RAB27A: variants seen among roughly 807,000 people sequenced by gnomAD.
The protein encoded by RAB27A is ras-related protein Rab-27A.
RAB27A carries 17 observed loss-of-function variants against 20.8 expected under a neutral mutation model. The ratio of observed to expected loss-of-function variants is 0.82; its 90% CI spans 0.56 to 1.23. The LOEUF is 1.23. Ranked by LOEUF, RAB27A falls within the 50% of genes most tolerant of loss-of-function variation. The pLI, the probability that RAB27A is intolerant of heterozygous loss-of-function variation, is 0.00. For missense variants in RAB27A, 277 were observed against 266.7 expected, an observed-to-expected ratio of 1.04 and a Z score of -0.27; for synonymous variants, 85 against 92.8, an observed-to-expected ratio of 0.92 and a Z score of 0.48.
chr15:55,306,151 T>C (rs575096537), intron 2 of RAB27A, among the ~76,000 whole-genome samples: 1 of 152,306 alleles, frequency 6.6e-6, no homozygotes, highest in East Asian at 1.9e-4. Context: ...GAGTTGGTTG[T>C]GTCTATCGTA....
chr15:55,223,684 C>T (rs1042963331), intron 6 of RAB27A, among the ~76,000 whole-genome samples: 1 of 152,088 alleles, frequency 6.6e-6, no homozygotes, highest in Non-Finnish European at 1.5e-5. Flanking sequence ...GAAAATGGGA[C>T]CAAAGCACTG....
intron 2 of RAB27A, among the ~76,000 whole-genome samples, chr15:55,268,008 A>T (rs1450900053): frequency 6.6e-6 from 1 of 152,184 alleles, no homozygotes; most frequent in Admixed American, 6.5e-5. Flanking sequence ...TGACTTAACT[A>T]TTTCAACAAG....
Position 55,223,944 on chromosome 15 carries a change from C to A in RAB27A, c.412G>T (p.Glu138Ter). ...TCCTCTTTCACTACTCTCTGGTCCTCCAGATCACTCTTGTTTCCACACAGC... is the reference window on the plus strand; with the variant it reads ...TCCTCTTTCACTACTCTCTGGTCCTACAGATCACTCTTGTTTCCACACAGC... ...IVLCGNKSDL[E>*]DQRVVKEEEA... is the part of the protein sequence containing the mutation. The change falls in exon 6 of 7, where the codon GAG becomes TAG. Residue 138 changes from glutamate (E) to a stop codon, truncating the protein, a stop_gained. Coordinates refer to ENST00000336787, the MANE Select transcript of RAB27A (RefSeq NM_183235.3). LOFTEE classifies it high-confidence loss of function. 6.2e-7 allele frequency: 1 copy of A among 1,613,586 alleles called. No individual in the cohort carries two copies.
chr15:55,274,818 A>ATG (rs1384417105), intron 1 of RAB27A, among the ~76,000 whole-genome samples: 1 of 138,056 alleles, frequency 7.2e-6, no homozygotes, highest in African/African-American at 2.6e-5. Flanking sequence ...ATATATATAT[A>ATG]TATATATGTA....
At position 55,252,887 on chromosome 15, in the gene RAB27A, C is replaced by G. The variant is rs538814996; in HGVS notation, c.-23+17278G>C. 8.5e-5 allele frequency among the ~76,000 whole-genome samples: 13 copies of G among 152,286 alleles called. No individual in the cohort carries two copies. The South Asian group carries it at 2.7e-3, about 32-fold the overall frequency. On this transcript the variant is annotated intron_variant, in intron 2 of 6. Transcript: ENST00000336787. ...CGGTGGCTCACACCTGTAATCCCAGCACTTTGGGAGGCCAAGGCGGGTGGA... is the reference window on the plus strand; with the variant it reads ...CGGTGGCTCACACCTGTAATCCCAGGACTTTGGGAGGCCAAGGCGGGTGGA...
chr15:55,303,455 G>A (rs1484300383), intron 2 of RAB27A, among the ~76,000 whole-genome samples: 1 of 53,456 alleles, frequency 1.9e-5, no homozygotes, highest in Non-Finnish European at 3.0e-5. Context: ...CCCTCCGCCC[G>A]GCCAGCCGCC....
At chr15:55,315,006 C>T (rs530087836) in intron 1 of RAB27A, among the ~76,000 whole-genome samples, 3 of 152,300 alleles carry the variant, frequency 2.0e-5, no homozygotes, top group South Asian at 2.1e-4. Flanking sequence ...TACCTGACTT[C>T]AAACTATACA....
chr15:55,301,111 T>C (rs1237277768), intron 2 of RAB27A, among the ~76,000 whole-genome samples: 2 of 151,928 alleles, frequency 1.3e-5, no homozygotes, highest in Non-Finnish European at 2.9e-5. Context: ...TGGGAGTTCA[T>C]GGAGGTTAAA....
At chr15:55,290,431 T>A (rs1408754944), upstream of RAB27A, 1 of 152,144 alleles carries the variant, frequency 6.6e-6, no homozygotes, top group African/African-American at 2.4e-5. Context: ...AAGTAAAAAA[T>A]TTCGCAGGAA....
chr15:55,211,426 C>T (rs1230195660), intron 6 of RAB27A, among the ~76,000 whole-genome samples: 2 of 152,070 alleles, frequency 1.3e-5, no homozygotes, highest in African/African-American at 4.8e-5. Flanking sequence ...TCTTCAATTT[C>T]TCTCACCTGT....
chr15:55,283,443 G>A (rs771201760), intron 1 of RAB27A, among the ~76,000 whole-genome samples: 8 of 152,134 alleles, frequency 5.3e-5, no homozygotes, highest in Non-Finnish European at 1.2e-4. Context: ...GCCGCCACCT[G>A]AGGAAATACC....
chr15:55,308,742 A>G lies in RAB27A; in HGVS notation c.-112+5297T>C, dbSNP rs61671706. ...GGCCCTTCAAGTAATAGAGCCTGAT[A>G]TTTAAGTAAACGGTTGTCTGACAGC... is the stretch of plus-strand genomic sequence containing the variant. On this transcript the variant is annotated intron_variant, in intron 2 of 5. Coordinates refer to the RAB27A transcript ENST00000563262. 4.0e-3 allele frequency among the ~76,000 whole-genome samples: 606 copies of G among 152,316 alleles called. 1 individual carries two copies. The highest frequency in any genetic ancestry group is 0.014 in the African/African-American group (568 of 41,568).
intron 6 of RAB27A, among the ~76,000 whole-genome samples, chr15:55,208,312 C>A (rs889225556): frequency 6.6e-6 from 1 of 152,160 alleles, no homozygotes; most frequent in Admixed American, 6.5e-5. Context: ...ACTTCTTGGA[C>A]TAGAAATATA....
intron 1 of RAB27A, among the ~76,000 whole-genome samples, chr15:55,273,558 A>T (rs1897769086): frequency 6.6e-6 from 1 of 152,192 alleles, no homozygotes; most frequent in Non-Finnish European, 1.5e-5. Context: ...ATGGAAAAAA[A>T]TATTTCATGC....
intron 2 of RAB27A, among the ~76,000 whole-genome samples, chr15:55,308,379 T>C (rs1393725020): frequency 1.3e-5 from 2 of 152,220 alleles, no homozygotes; most frequent in African/African-American, 4.8e-5. Context: ...AGTCTGTATA[T>C]ATATTTACCC....
intron 2 of RAB27A, among the ~76,000 whole-genome samples, chr15:55,262,922 C>G (rs1319509496): frequency 3.9e-5 from 6 of 152,120 alleles, no homozygotes; most frequent in African/African-American, 1.4e-4. Context: ...ATTTTTGGTA[C>G]ATATTTTTAT....
At chr15:55,244,567 A>G (rs1896617272) in intron 2 of RAB27A, among the ~76,000 whole-genome samples, 1 of 152,294 alleles carries the variant, frequency 6.6e-6, no homozygotes, top group Non-Finnish European at 1.5e-5. Context: ...AGAAATTTTT[A>G]TAAAGAGAAA....
intron 2 of RAB27A, among the ~76,000 whole-genome samples, chr15:55,256,871 A>C (rs1595722539): frequency 6.6e-6 from 1 of 152,206 alleles, no homozygotes; most frequent in African/African-American, 2.4e-5. Flanking sequence ...TTCCAGGTTC[A>C]AAGTTCAAAG....
At chr15:55,207,989 G>A (rs1225397339) in intron 6 of RAB27A, among the ~76,000 whole-genome samples, 1 of 152,186 alleles carries the variant, frequency 6.6e-6, no homozygotes, top group Non-Finnish European at 1.5e-5. Context: ...AACTTAAATA[G>A]CTACATGTGA....
Sources: gnomAD v4.1 joint callset for allele counts (sites outside exome capture counted in the v4.1 genomes callset) on GRCh38, gnomAD v4.1.1 for gene constraint, MANE v1.5 for transcripts, NCBI Gene and HGNC (gene_info 2026-07-23, HGNC 2026-07-21) for gene names.